The following POU2F3 variants were observed in gnomAD, a reference collection of about 807,000 sequenced individuals.
POU2F3 encodes the protein POU class 2 homeobox 3.
A neutral mutation model predicts 59.2 loss-of-function variants in POU2F3; 23 were observed. That is an observed-to-expected ratio of 0.39 (90% CI 0.28 to 0.55). The LOEUF is 0.55. Ranked by LOEUF, POU2F3 falls within the 20% of genes least tolerant of loss-of-function variation. The pLI, the probability that POU2F3 is intolerant of heterozygous loss-of-function variation, is 0.66. For missense variants in POU2F3, 473 were observed against 544.5 expected (o/e 0.87, Z 1.31); for synonymous variants, 190 against 214.6 (o/e 0.89, Z 1.00).
chr11:120,240,495 G>C (rs932328964), intron 1 of POU2F3, 124 bp downstream of exon 1: 1 of 1,119,036 alleles, frequency 8.9e-7, no homozygotes, highest in African/African-American at 1.7e-5. Flanking sequence ...GGGCGGTGTG[G>C]ATAGCGGGTT....
chr11:120,240,462 C>T, intron 1 of POU2F3, 91 bp downstream of exon 1: 2 of 1,266,384 alleles, frequency 1.6e-6, no homozygotes, highest in South Asian at 3.2e-5. Flanking sequence ...GGGAGGGGGG[C>T]TTGTTTCCCA....
In POU2F3 at chr11:120,317,317, TA is replaced by T; in HGVS notation, c.1226del (p.Asn409ThrfsTer6). On this transcript the variant is annotated frameshift_variant, in exon 12 of 13. Coordinates refer to ENST00000543440, the MANE Select transcript of POU2F3 (RefSeq NM_014352.4). LOFTEE classifies it high-confidence loss of function. Reference sequence around the variant, plus strand: ...CCAGCAGCCCCACTGCATCTCAAAATAACTCCAAAGCAGCAGTGAACTCCGC... The same window carrying T: ...CCAGCAGCCCCACTGCATCTCAAAATACTCCAAAGCAGCAGTGAACTCCGC... Reference protein sequence around the residue: ...HASSPTASQNNSKAAVNSASS... With the variant: ...HASSPTASQNXSKAAVNSASS... 6.2e-7 allele frequency: 1 copy of T among 1,614,138 alleles called. No individual in the cohort carries two copies. Among genetic ancestry groups the T allele is most frequent in the Non-Finnish European group, 8.5e-7 (1 of 1,180,004 alleles).
intron 3 of POU2F3, among the ~76,000 whole-genome samples, chr11:120,276,825 C>T (rs1940347249): frequency 6.6e-6 from 1 of 151,976 alleles, no homozygotes; most frequent in African/African-American, 2.4e-5. Flanking sequence ...CCACTAGGCA[C>T]AGATAGAGCC....
At chr11:120,241,410 G>A (rs1376042025) in intron 1 of POU2F3, among the ~76,000 whole-genome samples, 2 of 152,182 alleles carry the variant, frequency 1.3e-5, no homozygotes, top group Non-Finnish European at 2.9e-5. Flanking sequence ...AAGCGTCAGT[G>A]AGTGCCCGGA....
chr11:120,265,916 G>C (rs940806475), intron 2 of POU2F3: 1 of 152,080 alleles, frequency 6.6e-6, no homozygotes, highest in Non-Finnish European at 1.5e-5. Context: ...TCTTTTGCTG[G>C]TGCCTCCTCA....
intron 3 of POU2F3, among the ~76,000 whole-genome samples, chr11:120,294,283 T>C (rs1941122037): frequency 6.6e-6 from 1 of 152,200 alleles, no homozygotes; most frequent in African/African-American, 2.4e-5. Flanking sequence ...GTCCAATAGC[T>C]GGACAGGCTG....
At chr11:120,305,536 C>CA in intron 7 of POU2F3, 108 bp from the exon 8 acceptor site, 1 of 1,488,526 alleles carries the variant, frequency 6.7e-7, no homozygotes, top group African/African-American at 1.4e-5. Context: ...GGTGAGCACT[C>CA]AAAGATTCAG....
intron 2 of POU2F3, among the ~76,000 whole-genome samples, chr11:120,253,174 T>C (rs960325872): frequency 3.9e-5 from 6 of 152,072 alleles, no homozygotes; most frequent in African/African-American, 1.4e-4. Context: ...GCACTTACCA[T>C]GCGTACTCAA....
At chr11:120,243,604 C>G (rs943164614) in intron 1 of POU2F3, among the ~76,000 whole-genome samples, 4 of 152,172 alleles carry the variant, frequency 2.6e-5, no homozygotes, top group Non-Finnish European at 5.9e-5. Flanking sequence ...GGCCCCACCC[C>G]ACACCTCTCT....
At chr11:120,309,930 G>C (rs1203117854) in intron 10 of POU2F3, among the ~76,000 whole-genome samples, 1 of 152,192 alleles carries the variant, frequency 6.6e-6, no homozygotes, top group Non-Finnish European at 1.5e-5. Context: ...AAGGCAACCA[G>C]TGTGGCTGGG....
intron 10 of POU2F3, among the ~76,000 whole-genome samples, chr11:120,313,747 C>T (rs1325237085): frequency 6.6e-6 from 1 of 152,230 alleles, no homozygotes; most frequent in Non-Finnish European, 1.5e-5. Context: ...GGCATGGTGG[C>T]TCACGCCTGT....
At chr11:120,317,506 C>A in intron 12 of POU2F3, 142 bp downstream of exon 12, 1 of 1,217,360 alleles carries the variant, frequency 8.2e-7, no homozygotes, top group Non-Finnish European at 1.1e-6. Flanking sequence ...GACAGAGTGA[C>A]AGCCAGACTG....
chr11:120,317,170 G>C (rs1236946721), intron 11 of POU2F3, 59 bp from the exon 12 acceptor site: 2 of 1,596,892 alleles, frequency 1.3e-6, no homozygotes, highest in East Asian at 2.2e-5. Flanking sequence ...GCTATGTCCC[G>C]ATGTCCCGGG....
Position 120,307,522 on chromosome 11 carries a change from C to T in POU2F3, c.813C>T (p.Tyr271=). 1 of 1,614,220 alleles carries T rather than the reference C, an allele frequency of 6.2e-7. No individual in the cohort carries two copies. The highest frequency in any genetic ancestry group is 8.5e-7 in the Non-Finnish European group (1 of 1,180,018). ...SDPSVSTPSS[Y]PSLSEVFGRK... ...CCTCAGTGAGCACGCCCAGCTCCTACCCCAGCCTCAGTGAAGTATTTGGTA... is the reference window on the plus strand; with the variant it reads ...CCTCAGTGAGCACGCCCAGCTCCTATCCCAGCCTCAGTGAAGTATTTGGTA... The change falls in exon 9 of 13, where the codon TAC becomes TAT. Residue 271 remains tyrosine (Y), a synonymous_variant. Transcript: ENST00000543440.
chr11:120,288,128 C>CCAAAAAAAAA (rs1940855694), intron 3 of POU2F3, among the ~76,000 whole-genome samples: 1 of 63,330 alleles, frequency 1.6e-5, no homozygotes, highest in South Asian at 7.1e-4. Context: ...ACAAAAAAAC[C>CCAAAAAAAAA]AAAAAAAAAA....
intron 3 of POU2F3, among the ~76,000 whole-genome samples, chr11:120,278,706 T>G (rs1940435856): frequency 6.6e-6 from 1 of 152,136 alleles, no homozygotes. Context: ...AGCAGAATGT[T>G]CAGGCAGGAG....
At chr11:120,312,123 T>C (rs1410796632) in intron 10 of POU2F3, among the ~76,000 whole-genome samples, 1 of 152,174 alleles carries the variant, frequency 6.6e-6, no homozygotes, top group Non-Finnish European at 1.5e-5. Flanking sequence ...AAATTTTTTA[T>C]TTATTTTTAT....
intron 3 of POU2F3, among the ~76,000 whole-genome samples, chr11:120,280,670 C>T (rs1455665669): frequency 6.6e-6 from 1 of 152,038 alleles, no homozygotes; most frequent in Non-Finnish European, 1.5e-5. Flanking sequence ...GTGTGCACTC[C>T]TGCAAATGAG....
intron 2 of POU2F3, among the ~76,000 whole-genome samples, chr11:120,265,673 TAAC>T (rs1475056245): frequency 1.3e-5 from 2 of 152,336 alleles, no homozygotes; most frequent in East Asian, 3.9e-4. Context: ...TGGGTCTCAC[TAAC>T]AACATCATAA....
Sources: gnomAD v4.1 joint callset for allele counts (sites outside exome capture counted in the v4.1 genomes callset) on GRCh38, gnomAD v4.1.1 for gene constraint, MANE v1.5 for transcripts, NCBI Gene and HGNC (gene_info 2026-07-23, HGNC 2026-07-21) for gene names.